PCDH9: variants seen among roughly 807,000 people sequenced by gnomAD.
PCDH9 encodes protocadherin-9.
In PCDH9, 24 loss-of-function variants were observed where a neutral mutation model predicts 70.6. That is an observed-to-expected ratio of 0.34 (90% confidence interval 0.25 to 0.48). The LOEUF (loss-of-function observed/expected upper bound fraction) is 0.48, where lower values mean the gene tolerates loss of function less well. Ranked by LOEUF, PCDH9 falls within the 20% of genes least tolerant of loss-of-function variation. The pLI, the probability that PCDH9 is intolerant of heterozygous loss-of-function variation, is 0.99. For synonymous variants in PCDH9, 562 were observed against 558.5 expected, an observed-to-expected ratio of 1.01 and a Z score of -0.09; for missense variants, 1,281 against 1,503.6, an observed-to-expected ratio of 0.85 and a Z score of 2.45.
At chr13:66,873,932 C>CTTTTTTTTTTTTTTTTTTTT (rs2081746485) in intron 3 of PCDH9, among the ~76,000 whole-genome samples, 1 of 97,464 alleles carries the variant, frequency 1.0e-5, no homozygotes, top group African/African-American at 4.0e-5. Context: ...TTTTTTTTTT[C>CTTTTTTTTTTTTTTTTTTTT]TTTCTTTCTT....
intron 2 of PCDH9, among the ~76,000 whole-genome samples, chr13:66,979,613 C>CTCATTTTAAG (rs2083696242): frequency 6.6e-6 from 1 of 152,074 alleles, no homozygotes; most frequent in African/African-American, 2.4e-5. Context: ...TAAGATAAAA[C>CTCATTTTAAG]AGCCAAATCC....
At chr13:66,909,435 C>CAA (rs796567431) in intron 2 of PCDH9, among the ~76,000 whole-genome samples, 13 of 143,530 alleles carry the variant, frequency 9.1e-5, no homozygotes, top group Non-Finnish European at 1.7e-4. Flanking sequence ...CACAGAATTA[C>CAA]AAAAAAAAAA....
intron 2 of PCDH9, among the ~76,000 whole-genome samples, chr13:66,982,636 T>C (rs2083798973): frequency 6.6e-6 from 1 of 152,144 alleles, no homozygotes. Flanking sequence ...CTCTCAGAAA[T>C]GTCTTAGATA....
intron 4 of PCDH9, among the ~76,000 whole-genome samples, chr13:66,469,370 A>G (rs982827294): frequency 2.6e-5 from 4 of 151,888 alleles, no homozygotes; most frequent in South Asian, 2.1e-4. Flanking sequence ...GATTCACAGA[A>G]GGCAATTATT....
chr13:66,415,877 A>T (rs945405634), intron 4 of PCDH9, among the ~76,000 whole-genome samples: 3 of 152,192 alleles, frequency 2.0e-5, no homozygotes, highest in African/African-American at 7.2e-5. Context: ...TTGCAAAGTA[A>T]TTCATAAGCA....
chr13:66,472,647 G>T (rs1958642797), intron 4 of PCDH9, among the ~76,000 whole-genome samples: 1 of 152,126 alleles, frequency 6.6e-6, no homozygotes, highest in South Asian at 2.1e-4. Flanking sequence ...AGTTATTGAT[G>T]TTGGTGACTA....
intron 2 of PCDH9, among the ~76,000 whole-genome samples, chr13:67,062,849 T>A (rs1011209057): frequency 1.3e-5 from 2 of 152,186 alleles, no homozygotes; most frequent in Non-Finnish European, 2.9e-5. Flanking sequence ...AAAAATAGGA[T>A]ATATTCATTT....
intron 2 of PCDH9, among the ~76,000 whole-genome samples, chr13:67,153,954 C>G (rs750078589): frequency 6.6e-6 from 1 of 152,166 alleles, no homozygotes; most frequent in African/African-American, 2.4e-5. Context: ...AATGAATATA[C>G]GTGTATACTT....
intron 4 of PCDH9, among the ~76,000 whole-genome samples, chr13:66,372,618 T>C (rs1293648906): frequency 1.3e-5 from 2 of 151,324 alleles, no homozygotes. Context: ...CAGAGTGGCA[T>C]TATAAAGACA....
At chr13:66,710,548 A>G (rs1490245177) in intron 3 of PCDH9, among the ~76,000 whole-genome samples, 1 of 152,192 alleles carries the variant, frequency 6.6e-6, no homozygotes, top group Non-Finnish European at 1.5e-5. Context: ...AGAAATGGGT[A>G]TCAACAGAAA....
chr13:66,924,624 A>G (rs1225090804), intron 2 of PCDH9, among the ~76,000 whole-genome samples: 1 of 146,940 alleles, frequency 6.8e-6, no homozygotes, highest in Admixed American at 6.9e-5. Context: ...CTGCAAATGT[A>G]TATAATCAGT....
chr13:66,880,123 C>A (rs185473354), intron 3 of PCDH9: 11 of 152,258 alleles, frequency 7.2e-5, no homozygotes, highest in African/African-American at 2.6e-4. Context: ...ATAGAACAAA[C>A]AAGAGGCTGG....
chr13:67,141,647 GC>G (rs894273509), intron 2 of PCDH9, among the ~76,000 whole-genome samples: 120 of 151,664 alleles, frequency 7.9e-4, no homozygotes, highest in African/African-American at 2.8e-3. Flanking sequence ...CACTGTGTTG[GC>G]CAGGCTGGTC....
chr13:66,681,696 C>T (rs945124271), intron 3 of PCDH9, among the ~76,000 whole-genome samples: 1 of 151,990 alleles, frequency 6.6e-6, no homozygotes, highest in Non-Finnish European at 1.5e-5. Flanking sequence ...CATTAAAAGT[C>T]GCCTTCCAAG....
chr13:66,560,798 T>C (rs943452993), intron 4 of PCDH9, among the ~76,000 whole-genome samples: 1 of 152,224 alleles, frequency 6.6e-6, no homozygotes, highest in African/African-American at 2.4e-5. Context: ...CTCAGTCACC[T>C]CTGCATTCTA....
intron 2 of PCDH9, among the ~76,000 whole-genome samples, chr13:67,105,589 A>G (rs1358297786): frequency 6.6e-6 from 1 of 152,094 alleles, no homozygotes; most frequent in Non-Finnish European, 1.5e-5. Flanking sequence ...GATTTTTATG[A>G]GTGATAGGAG....
chr13:66,518,461 T>G (rs766533224), intron 4 of PCDH9, among the ~76,000 whole-genome samples: 72 of 152,220 alleles, frequency 4.7e-4, no homozygotes, highest in Non-Finnish European at 6.0e-4. Flanking sequence ...AAAAGTGAAA[T>G]TTAGAAATAA....
chr13:66,850,588 TATC>T, intron 3 of PCDH9, among the ~76,000 whole-genome samples: 1 of 152,324 alleles, frequency 6.6e-6, no homozygotes, highest in Non-Finnish European at 1.5e-5. Context: ...AAGGCATGGT[TATC>T]ATTTCCTTTG....
At chr13:67,080,232 G>T (rs1054684991) in intron 2 of PCDH9, among the ~76,000 whole-genome samples, 4 of 152,098 alleles carry the variant, frequency 2.6e-5, no homozygotes, top group Non-Finnish European at 4.4e-5. Context: ...ATATGTGGAA[G>T]ATAAACAGTA....
Sources: gnomAD v4.1 joint callset for allele counts (sites outside exome capture counted in the v4.1 genomes callset) on GRCh38, gnomAD v4.1.1 for gene constraint, MANE v1.5 for transcripts, NCBI Gene and HGNC (gene_info 2026-07-23, HGNC 2026-07-21) for gene names.